Variants in TOGARAM2 observed in about 807,000 individuals in gnomAD.
TOGARAM2 encodes the protein TOG array regulator of axonemal microtubules protein 2.
Under a neutral mutation model 93.3 loss-of-function variants are expected in TOGARAM2, and 85 were observed. That is an observed-to-expected ratio of 0.91 (90% confidence interval 0.76 to 1.09). TOGARAM2 has a LOEUF of 1.09. TOGARAM2 is among the 50% of genes least tolerant of loss of function. The probability of loss-of-function intolerance (pLI) is 0.00; values close to 1 mark genes in which losing one functional copy is unlikely to be tolerated. For missense variants in TOGARAM2, 1,277 were observed against 1,334.5 expected, an observed-to-expected ratio of 0.96 and a Z score of 0.67; for synonymous variants, 593 against 552.8, an observed-to-expected ratio of 1.07 and a Z score of -1.02.
At chr2:28,994,983 C>T in intron 2 of TOGARAM2, 121 bp downstream of exon 2, 1 of 1,256,794 alleles carries the variant, frequency 8.0e-7, no homozygotes, top group Non-Finnish European at 1.1e-6. Context: ...GAGATAACAG[C>T]CAGGTGGCCG....
chr2:29,022,368 T>C, intron 11 of TOGARAM2, 60 bp downstream of exon 11: 2 of 1,586,378 alleles, frequency 1.3e-6, no homozygotes, highest in Non-Finnish European at 1.7e-6. Flanking sequence ...TGTTGCAGAA[T>C]AGCTTCTGCC....
At chr2:28,986,742 T>TG (rs1672487970) in intron 1 of TOGARAM2, among the ~76,000 whole-genome samples, 1 of 152,186 alleles carries the variant, frequency 6.6e-6, no homozygotes. Context: ...AAAGGGACAT[T>TG]TCCCCTCTTC....
intron 1 of TOGARAM2, among the ~76,000 whole-genome samples, chr2:28,993,719 C>T (rs1316616027): frequency 5.3e-5 from 8 of 152,112 alleles, no homozygotes; most frequent in East Asian, 1.9e-4. Context: ...TGTGCTGGGC[C>T]GGGCACTGGG....
intron 3 of TOGARAM2, among the ~76,000 whole-genome samples, chr2:28,998,487 TGC>T (rs758154692): frequency 1.1e-4 from 16 of 152,338 alleles, no homozygotes; most frequent in Non-Finnish European, 2.1e-4. Context: ...GCTCTCTGCA[TGC>T]GCCTGGACCT....
chr2:28,983,395 T>C (rs1453743270), intron 1 of TOGARAM2, among the ~76,000 whole-genome samples: 2 of 151,884 alleles, frequency 1.3e-5, no homozygotes, highest in Non-Finnish European at 2.9e-5. Context: ...CTTTGAACTT[T>C]ATAGAAGTAG....
chr2:29,032,056 G>A (rs1316808128), intron 14 of TOGARAM2, among the ~76,000 whole-genome samples: 2 of 152,080 alleles, frequency 1.3e-5, no homozygotes, highest in African/African-American at 4.8e-5. Flanking sequence ...TATTATGGTG[G>A]CCTCCTAATA....
intron 8 of TOGARAM2, among the ~76,000 whole-genome samples, chr2:29,015,676 CG>C (rs1664522963): frequency 6.6e-6 from 1 of 152,200 alleles, no homozygotes; most frequent in Non-Finnish European, 1.5e-5. Context: ...AATGCAGCCA[CG>C]GTTAGTCCTT....
Position 29,026,987 on chromosome 2 carries a change from C to T in TOGARAM2, c.1988C>T (p.Ala663Val), listed in dbSNP as rs868026367. The change falls in exon 14 of 20, where the codon GCA becomes GTA. Residue 663 changes from alanine (A) to valine (V), a missense_variant. By Grantham distance (64) the Ala-to-Val change is moderately conservative. Transcript: ENST00000379558. ...DMLVHNLVRL[A>V]QDSNQDTRFY... The stretch of plus-strand genomic sequence containing the variant: ...TTGGTGCACAACCTGGTGAGGCTGG[C>T]ACAGGACTCCAACCAGGACACCAGG... The T allele has an allele frequency of 1.3e-6, 2 of 1,563,070 alleles. No individual in the cohort carries two copies. Among genetic ancestry groups the T allele is most frequent in the Middle Eastern group, 3.3e-4 (2 of 5,980 alleles).
At chr2:29,018,118 A>C in intron 10 of TOGARAM2, 162 bp downstream of exon 10, 1 of 751,074 alleles carries the variant, frequency 1.3e-6, no homozygotes, top group African/African-American at 1.8e-5. Context: ...AGAGAGAGAA[A>C]CAGTGTCAGG....
chr2:29,006,061 A>ATG (rs376676218), intron 6 of TOGARAM2, among the ~76,000 whole-genome samples: 15 of 135,048 alleles, frequency 1.1e-4, no homozygotes, highest in Non-Finnish European at 1.7e-4. Context: ...GTGTGTGTGT[A>ATG]TGTGTATGTG....
upstream of TOGARAM2, among the ~76,000 whole-genome samples, chr2:28,977,042 G>C (rs977476942): frequency 2.0e-5 from 3 of 152,274 alleles, no homozygotes; most frequent in East Asian, 5.8e-4. Context: ...GTGAAGGGAT[G>C]GGGGGCTTCC....
chr2:29,042,381 G>C (rs1486876699), intron 18 of TOGARAM2, among the ~76,000 whole-genome samples: 1 of 152,210 alleles, frequency 6.6e-6, no homozygotes, highest in Non-Finnish European at 1.5e-5. Flanking sequence ...ATTTTTAAGT[G>C]TTCCCCAAAT....
chr2:29,006,134 TGA>T (rs1313143896), intron 6 of TOGARAM2, among the ~76,000 whole-genome samples: 6 of 137,386 alleles, frequency 4.4e-5, no homozygotes, highest in African/African-American at 1.6e-4. Flanking sequence ...TGCATGTGTG[TGA>T]GAGCATGCAT....
At chr2:29,035,760 C>A in intron 17 of TOGARAM2, 104 bp downstream of exon 17, 2 of 1,149,148 alleles carry the variant, frequency 1.7e-6, no homozygotes, top group Non-Finnish European at 2.3e-6. Context: ...AGACCCCTTG[C>A]TATGCAGTTG....
rs942264262 is a variant in TOGARAM2 at position 29,048,896 on chromosome 2, C to G, written c.2723-2860C>G. 2.8e-5 allele frequency: 4 copies of G among 142,282 alleles called. No individual in the cohort carries two copies. The Admixed American group carries it at 3.0e-4, about 11-fold the overall frequency. The allele number at this position is 142,282 out of a possible 1,614,324, so 8.8% of individuals were successfully genotyped here. Reference sequence around the variant, plus strand: ...ACAGAGTCTTGCTTTGTTGCCCAGGCTGGGGTGTAGTGGCGCGATCTCAGC... The same window carrying G: ...ACAGAGTCTTGCTTTGTTGCCCAGGGTGGGGTGTAGTGGCGCGATCTCAGC... On this transcript the variant is annotated intron_variant, in intron 19 of 19. Transcript: ENST00000379558.
chr2:29,019,607 A>G (rs1664807566), intron 10 of TOGARAM2, among the ~76,000 whole-genome samples: 1 of 152,204 alleles, frequency 6.6e-6, no homozygotes, highest in African/African-American at 2.4e-5. Context: ...TGCTTGACCC[A>G]GGATAGTCTG....
chr2:29,045,215 C>A, intron 18 of TOGARAM2, 109 bp from the exon 19 acceptor site: 3 of 801,866 alleles, frequency 3.7e-6, no homozygotes, highest in East Asian at 2.5e-5. Flanking sequence ...TCAGCTCCCC[C>A]AAAGGCCTCA....
intron 1 of TOGARAM2, among the ~76,000 whole-genome samples, chr2:28,961,436 G>C (rs1671804040): frequency 6.6e-6 from 1 of 152,080 alleles, no homozygotes; most frequent in Admixed American, 6.6e-5. Context: ...CCGCCTCCTA[G>C]ATTCAAGCGA....
chr2:29,018,015 C>T (rs908165661), intron 10 of TOGARAM2, 59 bp downstream of exon 10: 3 of 1,508,356 alleles, frequency 2.0e-6, no homozygotes, highest in East Asian at 4.8e-5. Flanking sequence ...CTCAGGATGC[C>T]CTGAGGCATG....
Sources: allele counts gnomAD v4.1 joint callset (sites outside exome capture counted in the v4.1 genomes callset), GRCh38; gene constraint gnomAD v4.1.1; transcripts MANE v1.5; gene names NCBI Gene and HGNC (gene_info 2026-07-23, HGNC 2026-07-21).